PLPP7: variants seen among roughly 807,000 people sequenced by gnomAD.
PLPP7 encodes the protein inactive phospholipid phosphatase 7.
In PLPP7, 11 loss-of-function variants were observed where a neutral mutation model predicts 16.9. The observed-to-expected ratio is 0.65, with a 90% CI of 0.41 to 1.08. The LOEUF (loss-of-function observed/expected upper bound fraction) is 1.08, where lower values mean the gene tolerates loss of function less well. Ranked by LOEUF, PLPP7 falls within the 50% of genes least tolerant of loss-of-function variation. The probability of loss-of-function intolerance (pLI) is 0.00; values close to 1 mark genes in which losing one functional copy is unlikely to be tolerated. For missense variants in PLPP7, 358 were observed against 397.1 expected, an observed-to-expected ratio of 0.90 and a Z score of 0.84; for synonymous variants, 174 against 175.1, an observed-to-expected ratio of 0.99 and a Z score of 0.05.
At position 131,295,231 on chromosome 9, in the gene PLPP7, G is replaced by A. The variant is rs1402097260; in HGVS notation, c.451+4783G>A. Among the ~76,000 whole-genome samples the A allele has an allele frequency of 1.3e-5, 2 of 151,924 alleles. No homozygotes were observed. The highest frequency in any genetic ancestry group is 4.8e-5 in the African/African-American group (2 of 41,364). ...TGCAGTGCTGTGATCTTGGCTCACA[G>A]CAACCTCTGCCTCCCTGGTTCAAGT... On this transcript the variant is annotated intron_variant, in intron 1 of 1. Coordinates refer to ENST00000372264, the MANE Select transcript of PLPP7 (RefSeq NM_032728.4). This position sits in a 1 kb window ranked among gnomAD's most constrained non-coding sequence, Gnocchi z 4.0.
intron 1 of PLPP7, among the ~76,000 whole-genome samples, chr9:131,299,731 C>T (rs547317150): frequency 1.3e-5 from 2 of 152,356 alleles, no homozygotes; most frequent in Non-Finnish European, 2.9e-5. Context: ...TATGTGCTTA[C>T]TGCCCACCGT....
At position 131,297,863 on chromosome 9, in the gene PLPP7, G is replaced by A. The variant is rs529744189; in HGVS notation, c.451+7415G>A. Among the ~76,000 whole-genome samples the A allele has an allele frequency of 1.2e-4, 18 of 152,138 alleles. No individual in the cohort carries two copies. In the South Asian group the frequency reaches 3.1e-3, roughly 26 times the overall value. Reference sequence around the variant, plus strand: ...GATTTTTTTCTCTGTATATAAGCACGTTTGCTTACATACATATCTTATTTT... The same window carrying A: ...GATTTTTTTCTCTGTATATAAGCACATTTGCTTACATACATATCTTATTTT... On this transcript the variant is annotated intron_variant, in intron 1 of 1. Coordinates refer to ENST00000372264, the MANE Select transcript of PLPP7 (RefSeq NM_032728.4).
intron 1 of PLPP7, among the ~76,000 whole-genome samples, chr9:131,298,894 G>A (rs1215505420): frequency 2.0e-5 from 3 of 152,204 alleles, no homozygotes; most frequent in Admixed American, 1.3e-4. Context: ...CAGGGCCCCG[G>A]GGACAGCTGT....
intron 1 of PLPP7, among the ~76,000 whole-genome samples, chr9:131,296,021 G>A (rs953570670): frequency 6.6e-6 from 1 of 152,164 alleles, no homozygotes; most frequent in Non-Finnish European, 1.5e-5. Flanking sequence ...TGTATACTCG[G>A]AATCGAGCTG....
intron 1 of PLPP7, among the ~76,000 whole-genome samples, chr9:131,300,897 A>T (rs79484492): frequency 0.015 from 2,218 of 151,914 alleles, 61 homozygotes; most frequent in African/African-American, 0.052. Flanking sequence ...TCCTCCCCAC[A>T]TTTTCCTTGA....
In PLPP7 at chr9:131,306,116, A is replaced by G. The variant is rs1197049353; in HGVS notation, c.452-1807A>G. Among the ~76,000 whole-genome samples the G allele has an allele frequency of 2.6e-5, 4 of 152,318 alleles. No homozygotes were observed. The South Asian group carries it at 6.2e-4, about 24-fold the overall frequency. The stretch of plus-strand genomic sequence containing the variant: ...GCCAGGCGTAGTGGCAGGCGCCTGT[A>G]GTCCCAGCTACTCAGGAGGCTGAGG... On this transcript the variant is annotated intron_variant, in intron 1 of 1. Transcript: ENST00000372264.
rs777214272 is a variant in PLPP7 at position 131,309,139 on chromosome 9, C to G, written c.*852C>G. 6.6e-6 allele frequency: 1 copy of G among 152,658 alleles called. No homozygotes were observed. The highest frequency in any genetic ancestry group is 2.4e-5 in the African/African-American group (1 of 41,444). 9.5% of individuals were successfully genotyped at this position (152,658 alleles called of 1,614,324 possible). ...GCCCGAGGAAAGTGCTGGCCACCGCCCGTGGGCATCGATGAGGCTTTGGCC... is the reference window on the plus strand; with the variant it reads ...GCCCGAGGAAAGTGCTGGCCACCGCGCGTGGGCATCGATGAGGCTTTGGCC... On this transcript the variant is annotated 3_prime_UTR_variant, in exon 2 of 2. Coordinates refer to ENST00000372264, the MANE Select transcript of PLPP7 (RefSeq NM_032728.4).
chr9:131,292,709 C>A, intron 1 of PLPP7: 1 of 768,248 alleles, frequency 1.3e-6, no homozygotes, highest in Non-Finnish European at 1.6e-6. Context: ...AGGGGGTGAG[C>A]TCCCCGTGGT....
intron 1 of PLPP7, among the ~76,000 whole-genome samples, chr9:131,301,563 C>G (rs1040888400): frequency 4.6e-5 from 7 of 152,266 alleles, no homozygotes; most frequent in Non-Finnish European, 8.8e-5. Flanking sequence ...CTGGGCCAGA[C>G]AATTTTGACC....
intron 1 of PLPP7, chr9:131,291,199 C>T (rs912322069): frequency 1.9e-5 from 26 of 1,361,954 alleles, no homozygotes; most frequent in Middle Eastern, 2.1e-4. Flanking sequence ...AGCCCCCGTC[C>T]GGCCCACCCT....
At chr9:131,306,842 TAGAG>T (rs1835858721) in intron 1 of PLPP7, among the ~76,000 whole-genome samples, 1 of 152,078 alleles carries the variant, frequency 6.6e-6, no homozygotes, top group African/African-American at 2.4e-5. Flanking sequence ...GTTTTGAAAT[TAGAG>T]AGAGGAGGTG....
chr9:131,297,449 G>A (rs1460665658), intron 1 of PLPP7, among the ~76,000 whole-genome samples: 2 of 149,114 alleles, frequency 1.3e-5, no homozygotes, highest in Non-Finnish European at 3.0e-5. Flanking sequence ...GCAGTGGCGC[G>A]ACCTCAGCTC....
At chr9:131,303,564 G>C (rs1835822189) in intron 1 of PLPP7, among the ~76,000 whole-genome samples, 1 of 151,240 alleles carries the variant, frequency 6.6e-6, no homozygotes, top group South Asian at 2.1e-4. Flanking sequence ...AGTTTTCTAG[G>C]AAAGCTCCCA....
chr9:131,306,757 T>TC (rs1235311275), intron 1 of PLPP7, among the ~76,000 whole-genome samples: 2 of 152,128 alleles, frequency 1.3e-5, no homozygotes, highest in Non-Finnish European at 2.9e-5. Context: ...ATTGGTGGTG[T>TC]CCCAGGGGCT....
Position 131,308,013 on chromosome 9 carries a change from A to G in PLPP7, c.542A>G (p.Tyr181Cys). 1 of 1,600,898 alleles carries G rather than the reference A, an allele frequency of 6.2e-7. No homozygotes were observed. Among genetic ancestry groups the G allele is most frequent in the Non-Finnish European group, 8.5e-7 (1 of 1,179,804 alleles). The change falls in exon 2 of 2, where the codon TAC becomes TGC. Residue 181 changes from tyrosine to cysteine, a missense_variant. By Grantham distance (194) the Tyr-to-Cys change is radical (BLOSUM62 -2). Transcript: ENST00000372264. ...PYETSPSLLD[Y>C]LTMDIYAFPA... ...GAGACGAGCCCCAGCCTCCTGGACT[A>G]CCTCACCATGGACATCTACGCCTTC...
chr9:131,307,115 G>A (rs1835861864), intron 1 of PLPP7, among the ~76,000 whole-genome samples: 1 of 151,704 alleles, frequency 6.6e-6, no homozygotes, highest in Non-Finnish European at 1.5e-5. Context: ...GCATGGTAGT[G>A]TGCACCTGTA....
At chr9:131,301,813 C>CTTTT (rs59151233) in intron 1 of PLPP7, among the ~76,000 whole-genome samples, 1 of 114,762 alleles carries the variant, frequency 8.7e-6, no homozygotes, top group African/African-American at 3.2e-5. Flanking sequence ...GGAACTTGTT[C>CTTTT]TTTTTTTTTT....
rs754802394 is a variant in PLPP7, at chr9:131,308,251, C to T, written c.780C>T (p.Pro260=). Residue 260 remains proline (P), a synonymous_variant, in exon 2 of 2, where the codon CCC becomes CCT. Transcript: ENST00000372264. ...QFRLVELVWM[P]SSTCQMLISA... is the part of the protein sequence containing the mutation. ...GTCTGGTGGAGCTGGTCTGGATGCC[C>T]TCCAGCACCTGCCAGATGCTCATCT... The T allele has an allele frequency of 1.9e-6, 3 of 1,597,972 alleles. No homozygotes were observed. Among genetic ancestry groups the T allele is most frequent in the Non-Finnish European group, 2.5e-6 (3 of 1,179,244 alleles).
intron 1 of PLPP7, among the ~76,000 whole-genome samples, chr9:131,302,730 A>G (rs1424330345): frequency 1.3e-5 from 2 of 152,204 alleles, no homozygotes; most frequent in East Asian, 1.9e-4. Flanking sequence ...TCCAGGGTGC[A>G]AGGCTCTCAG....
Sources: gnomAD v4.1 joint callset for allele counts (sites outside exome capture counted in the v4.1 genomes callset) on GRCh38, gnomAD v4.1.1 for gene constraint, Gnocchi (gnomAD v3.1) non-coding constraint, MANE v1.5 for transcripts, NCBI Gene and HGNC (gene_info 2026-07-23, HGNC 2026-07-21) for gene names.